The following THBS4 variants were observed in gnomAD, a reference collection of about 807,000 sequenced individuals.
THBS4 encodes thrombospondin-4.
In THBS4, 90 loss-of-function variants were observed where a neutral mutation model predicts 115.7. The observed-to-expected ratio is 0.78, with a 90% CI of 0.66 to 0.93. THBS4 has a LOEUF of 0.93. THBS4 is among the 40% of genes least tolerant of loss of function. The pLI is 0.00. For synonymous variants in THBS4, 460 were observed against 479.3 expected (o/e 0.96, Z 0.53); for missense variants, 1,087 against 1,232.7 (o/e 0.88, Z 1.77).
intron 11 of THBS4, 81 bp downstream of exon 11, chr5:80,070,491 G>C: frequency 6.8e-7 from 1 of 1,461,502 alleles, no homozygotes; most frequent in South Asian, 1.2e-5. Context: ...AGGTTCTGTG[G>C]ATCTAATTTA....
At chr5:79,997,033 T>G (rs867645813) in intron 1 of THBS4, among the ~76,000 whole-genome samples, 45 of 146,150 alleles carry the variant, frequency 3.1e-4, no homozygotes, top group African/African-American at 1.1e-3. Context: ...CAAAATAGTT[T>G]TTTTTTTTTT....
chr5:80,070,970 G>A, intron 12 of THBS4, 51 bp from the exon 13 acceptor site: 3 of 1,604,018 alleles, frequency 1.9e-6, no homozygotes, highest in Non-Finnish European at 2.5e-6. Context: ...AACAATGGAG[G>A]AAGTGGATTT....
intron 2 of THBS4, among the ~76,000 whole-genome samples, chr5:80,045,837 A>C (rs2112050983): frequency 6.6e-6 from 1 of 152,204 alleles, no homozygotes; most frequent in East Asian, 1.9e-4. Flanking sequence ...GGCCCTATGG[A>C]GTCTTTTTAA....
rs751092736 is a variant in THBS4, at chr5:80,076,950, GTGA to G, written c.2001_2003del (p.Asp668del). ...GATAAGGATGGAATTGGTGACGAGT[GTGA>G]TGATGATGATGACAATGATGGTATC... On this transcript the variant is annotated inframe_deletion, in exon 16 of 22. Coordinates refer to ENST00000350881, the MANE Select transcript of THBS4 (RefSeq NM_003248.6). 14 of 1,613,446 alleles carry G rather than the reference GTGA, an allele frequency of 8.7e-6. No individual in the cohort carries two copies. Among genetic ancestry groups the G allele is most frequent in the Non-Finnish European group, 1.2e-5 (14 of 1,179,658 alleles).
chr5:80,035,518 G>A lies in THBS4; in HGVS notation c.-20G>A, dbSNP rs1221701764. On this transcript the variant is annotated 5_prime_UTR_variant, in exon 1 of 22. Transcript: ENST00000350881. The surrounding 1 kb of genome is among the most constrained non-coding windows in gnomAD (Gnocchi z 4.6). Reference sequence around the variant, plus strand: ...ACGCCGCCGTCGCCCCCGGCCTCGCGGGGAGCAGGAAGAGCCAACATGCTG... The same window carrying A: ...ACGCCGCCGTCGCCCCCGGCCTCGCAGGGAGCAGGAAGAGCCAACATGCTG... The A allele has an allele frequency of 2.3e-6, 3 of 1,328,096 alleles. No homozygotes were observed. Among genetic ancestry groups the A allele is most frequent in the Non-Finnish European group, 2.9e-6 (3 of 1,038,364 alleles). 82.3% of individuals were successfully genotyped at this position (1,328,096 alleles called of 1,614,324 possible). A position where few individuals can be genotyped will look rare whatever the true frequency, so the allele number is the denominator to read the frequency against.
At chr5:80,036,135 GAA>G (rs1832712228) in intron 1 of THBS4, 1 of 985,586 alleles carries the variant, frequency 1.0e-6, no homozygotes, top group South Asian at 4.7e-5. Flanking sequence ...ACGACAAAAA[GAA>G]AGTTTATTTC....
intron 2 of THBS4, among the ~76,000 whole-genome samples, chr5:80,005,762 ATTTT>A (rs567389394): frequency 1.1e-3 from 127 of 119,818 alleles, no homozygotes; most frequent in Middle Eastern, 4.8e-3. Flanking sequence ...TGTTTGTGGC[ATTTT>A]TTTTTTTTTT....
At chr5:79,992,299 T>A (rs1362897954) in intron 1 of THBS4, among the ~76,000 whole-genome samples, 3 of 152,252 alleles carry the variant, frequency 2.0e-5, no homozygotes, top group Non-Finnish European at 4.4e-5. Context: ...CAGTAGTCTT[T>A]CTGGGACACC....
chr5:80,055,908 GCTCCCTAGAGCT>G lies in THBS4; in HGVS notation c.419_430del (p.Ser140_Leu143del). 1 of 1,614,188 alleles carries G rather than the reference GCTCCCTAGAGCT, an allele frequency of 6.2e-7. No individual in the cohort carries two copies. Among genetic ancestry groups the G allele is most frequent in the Non-Finnish European group, 8.5e-7 (1 of 1,180,020 alleles). On this transcript the variant is annotated inframe_deletion, in exon 3 of 22. Transcript: ENST00000350881. ...CTGAGCAATTTGCAGCGAGGGGCCG[GCTCCCTAGAGCT>G]CTACCTGGACTGCATCCAGGTGGAT...
At chr5:79,994,794 C>T (rs1484541446) in intron 1 of THBS4, among the ~76,000 whole-genome samples, 2 of 152,206 alleles carry the variant, frequency 1.3e-5, no homozygotes, top group Admixed American at 1.3e-4. Flanking sequence ...TTTAGAGGCA[C>T]AGTTGATGAA....
chr5:80,028,546 C>T (rs1832524566), intron 2 of THBS4, among the ~76,000 whole-genome samples: 5 of 150,658 alleles, frequency 3.3e-5, no homozygotes, highest in African/African-American at 9.8e-5. Context: ...GCAACCTCCA[C>T]CTCCCGAGTT....
chr5:80,053,322 C>T (rs917295878), intron 2 of THBS4, among the ~76,000 whole-genome samples: 1 of 151,740 alleles, frequency 6.6e-6, no homozygotes, highest in Non-Finnish European at 1.5e-5. Context: ...CAGCCCTCTC[C>T]TTTTGGACAT....
chr5:80,046,304 C>A (rs1284474492), intron 2 of THBS4, among the ~76,000 whole-genome samples: 2 of 152,202 alleles, frequency 1.3e-5, no homozygotes, highest in Non-Finnish European at 2.9e-5. Context: ...GTGAGATTAA[C>A]TATTCAGGAG....
In THBS4 at chr5:80,082,411, G is replaced by A. The variant is rs747315970; in HGVS notation, c.2690G>A (p.Arg897Gln). 27 of 1,614,030 alleles carry A rather than the reference G, an allele frequency of 1.7e-5. No individual in the cohort carries two copies. The highest frequency in any genetic ancestry group is 1.7e-4 in the Admixed American group (10 of 59,992). ...HRPQVGYIRV[R>Q]FYEGSELVAD... is the part of the protein sequence containing the mutation. ...TCCGGCCGTGTTGTCCGCAGGGTAC[G>A]ATTTTATGAAGGCTCTGAGTTGGTG... The change falls in exon 21 of 22, where the codon CGA becomes CAA. Residue 897 changes from arginine to glutamine, a missense_variant. By Grantham distance (43) the Arg-to-Gln change is conservative. Coordinates refer to ENST00000350881, the MANE Select transcript of THBS4 (RefSeq NM_003248.6).
chr5:80,020,268 C>T (rs764956902), intron 2 of THBS4, among the ~76,000 whole-genome samples: 11 of 152,024 alleles, frequency 7.2e-5, no homozygotes, highest in Non-Finnish European at 1.3e-4. Flanking sequence ...GTCAGGAGAT[C>T]GAGACCATCC....
chr5:80,061,690 T>C lies in THBS4; in HGVS notation c.988-5T>C, dbSNP rs200646508. ...GCTAAAGACTTTGAACTTTTTTGTC[T>C]CCAGTGCAAATACCATCCCTGCTAC... is the stretch of plus-strand genomic sequence containing the variant. On this transcript the variant is annotated splice_region_variant and splice_polypyrimidine_tract_variant and intron_variant, in intron 7 of 21. Transcript: ENST00000350881. 11 of 1,602,562 alleles carry C rather than the reference T, an allele frequency of 6.9e-6. No homozygotes were observed. The highest frequency in any genetic ancestry group is 2.2e-5 in the South Asian group (2 of 90,264).
chr5:80,026,474 G>T (rs1228162435), intron 2 of THBS4, among the ~76,000 whole-genome samples: 1 of 152,194 alleles, frequency 6.6e-6, no homozygotes, highest in African/African-American at 2.4e-5. Context: ...GCATGATCTA[G>T]AACAGGGGTC....
chr5:80,051,301 T>C (rs942209151), intron 2 of THBS4, among the ~76,000 whole-genome samples: 4 of 149,826 alleles, frequency 2.7e-5, no homozygotes, highest in Non-Finnish European at 5.9e-5. Flanking sequence ...CTGAGCCTGC[T>C]TGCCCTCTGG....
chr5:80,016,690 A>G (rs559387714), intron 2 of THBS4, among the ~76,000 whole-genome samples: 27 of 152,302 alleles, frequency 1.8e-4, no homozygotes, highest in Admixed American at 4.6e-4. Flanking sequence ...AGTATTGGCA[A>G]TGTGAGGTGA....
Sources: allele counts gnomAD v4.1 joint callset (sites outside exome capture counted in the v4.1 genomes callset), GRCh38; gene constraint gnomAD v4.1.1; non-coding constraint Gnocchi (gnomAD v3.1); transcripts MANE v1.5; gene names NCBI Gene and HGNC (gene_info 2026-07-23, HGNC 2026-07-21).